The following NBAS variants were observed in gnomAD, a reference collection of about 807,000 sequenced individuals.
The protein encoded by NBAS is NBAS subunit of NRZ tethering complex.
NBAS carries 219 observed loss-of-function variants against 302.5 expected under a neutral mutation model. That is an observed-to-expected ratio of 0.72 (90% CI 0.65 to 0.81). The LOEUF (loss-of-function observed/expected upper bound fraction) is 0.81, where lower values mean the gene tolerates loss of function less well. Ranked by LOEUF, NBAS falls within the 30% of genes least tolerant of loss-of-function variation. The pLI is 0.00. For missense variants in NBAS, 2,932 were observed against 2,841.6 expected, an observed-to-expected ratio of 1.03 and a Z score of -0.72; for synonymous variants, 1,118 against 1,021.6, an observed-to-expected ratio of 1.09 and a Z score of -1.80.
intron 16 of NBAS, among the ~76,000 whole-genome samples, chr2:15,470,936 G>A (rs1019223665): frequency 6.6e-6 from 1 of 151,870 alleles, no homozygotes; most frequent in African/African-American, 2.4e-5. Flanking sequence ...AATCCAGCCT[G>A]GGCAAAAAAA....
intron 35 of NBAS, among the ~76,000 whole-genome samples, chr2:15,336,194 A>G (rs1403888693): frequency 3.3e-5 from 5 of 152,230 alleles, no homozygotes; most frequent in African/African-American, 1.2e-4. Flanking sequence ...ATCTTAAGAC[A>G]GTATCACACT....
At chr2:15,306,139 A>G (rs1005355329) in intron 40 of NBAS, among the ~76,000 whole-genome samples, 1 of 152,260 alleles carries the variant, frequency 6.6e-6, no homozygotes, top group Non-Finnish European at 1.5e-5. Flanking sequence ...ATTTCCACTT[A>G]ATCACTTCAG....
At chr2:15,043,712 T>C in the NBAS span, among the ~76,000 whole-genome samples, 2 of 152,184 alleles carry the variant, frequency 1.3e-5, no homozygotes, top group Admixed American at 6.5e-5. Flanking sequence ...CTTGAAGGTT[T>C]AAGGGATTAA....
At chr2:14,787,590 T>C in the NBAS span, among the ~76,000 whole-genome samples, 2 of 152,202 alleles carry the variant, frequency 1.3e-5, no homozygotes, top group African/African-American at 4.8e-5. Context: ...AAGCTTAGTT[T>C]GGCTGGATAT....
intron 38 of NBAS, among the ~76,000 whole-genome samples, chr2:15,318,468 C>A (rs1389537536): frequency 6.6e-6 from 1 of 152,134 alleles, no homozygotes; most frequent in Non-Finnish European, 1.5e-5. Flanking sequence ...GGTAAAGAGT[C>A]AAAACCCATT....
chr2:15,276,864 C>T lies in NBAS; in HGVS notation c.5376G>A (p.Lys1792=). ...ETHIRLLKKF[K]VVASGLNYKK... is the part of the protein sequence containing the mutation. ...CAACCATCCTACCTGATGCAACAAC[C>T]TTAAACTTCTTCAGCAGTCGAATGT... Residue 1792 remains lysine, a synonymous_variant, in exon 43 of 52, where the codon AAG becomes AAA. Transcript: ENST00000281513. 1 of 1,614,062 alleles carries T rather than the reference C, an allele frequency of 6.2e-7. No homozygotes were observed. The highest frequency in any genetic ancestry group is 1.1e-5 in the South Asian group (1 of 91,066).
chr2:14,942,563 A>G, the NBAS span, among the ~76,000 whole-genome samples: 23,706 of 152,162 alleles, frequency 0.16, 2,546 homozygotes, highest in African/African-American at 0.31. Flanking sequence ...CTGTGGAACC[A>G]TGAGCCAATT....
At chr2:15,293,950 T>C (rs1454207484) in intron 40 of NBAS, among the ~76,000 whole-genome samples, 1 of 152,222 alleles carries the variant, frequency 6.6e-6, no homozygotes, top group East Asian at 1.9e-4. Context: ...TGAGTCCTAC[T>C]CTCAAAACCA....
chr2:15,178,866 A>T, intron 51 of NBAS, 122 bp downstream of exon 51: 2 of 1,348,760 alleles, frequency 1.5e-6, no homozygotes, highest in Non-Finnish European at 2.1e-6. Flanking sequence ...TGGTCAGAGA[A>T]TACTATAGAT....
chr2:15,420,777 T>C (rs957985804), intron 23 of NBAS, among the ~76,000 whole-genome samples: 3 of 152,026 alleles, frequency 2.0e-5, no homozygotes, highest in Non-Finnish European at 2.9e-5. Context: ...AGCCAAATCA[T>C]GTTCTGAGAA....
intron 9 of NBAS, among the ~76,000 whole-genome samples, chr2:15,519,222 A>C (rs1662547041): frequency 1.3e-5 from 2 of 152,236 alleles, no homozygotes; most frequent in African/African-American, 4.8e-5. Flanking sequence ...GAAACATCTT[A>C]GTAAACTACT....
chr2:14,981,895 C>G, the NBAS span, among the ~76,000 whole-genome samples: 1 of 152,200 alleles, frequency 6.6e-6, no homozygotes, highest in African/African-American at 2.4e-5. Context: ...TCAAAGGTGG[C>G]TGCCAACTAG....
At chr2:15,228,916 G>T (rs1667255182) in intron 47 of NBAS, among the ~76,000 whole-genome samples, 1 of 152,132 alleles carries the variant, frequency 6.6e-6, no homozygotes, top group African/African-American at 2.4e-5. Flanking sequence ...ATAGTAGGAT[G>T]AATTAGAGCA....
chr2:15,374,842 T>C (rs1042290143), intron 30 of NBAS, 122 bp from the exon 31 acceptor site: 4 of 827,540 alleles, frequency 4.8e-6, no homozygotes, highest in Non-Finnish European at 8.0e-6. Flanking sequence ...TTCATTCCGC[T>C]GGATGCCTTC....
rs750309071 is a variant in NBAS at position 15,292,662 on chromosome 2, G to C, written c.4902C>G (p.Cys1634Trp). 2 of 1,614,180 alleles carry C rather than the reference G, an allele frequency of 1.2e-6. No individual in the cohort carries two copies. Among genetic ancestry groups the C allele is most frequent in the South Asian group, 2.2e-5 (2 of 91,076 alleles). ...TGAAATCCAGGAGACGTTCATTGTA[G>C]CAGTGTAACTGCTTGGTCAGTGAAA... ...DLISLTKQLH[C>W]YNERLLDFTQ... The change falls in exon 41 of 52, where the codon TGC becomes TGG. Residue 1634 changes from cysteine to tryptophan, a missense_variant. Transcript: ENST00000281513.
the NBAS span, among the ~76,000 whole-genome samples, chr2:15,015,251 A>G: frequency 3.9e-5 from 6 of 152,188 alleles, no homozygotes; most frequent in East Asian, 1.2e-3. Flanking sequence ...ATTCCAAAAA[A>G]TGAAGCAGAG....
At chr2:14,906,987 G>A in the NBAS span, among the ~76,000 whole-genome samples, 3 of 152,106 alleles carry the variant, frequency 2.0e-5, no homozygotes, top group African/African-American at 7.2e-5. Context: ...CAGAGGCTAT[G>A]CTTCTTACAC....
intron 12 of NBAS, among the ~76,000 whole-genome samples, chr2:15,480,798 T>G (rs1429216115): frequency 7.2e-5 from 11 of 152,212 alleles, no homozygotes; most frequent in Non-Finnish European, 1.5e-5. Flanking sequence ...TTAGGGGGGA[T>G]GTTAATGATA....
At chr2:14,890,854 C>CA in the NBAS span, 39,594 of 152,724 alleles carry the variant, frequency 0.26, 5,092 homozygotes, top group Non-Finnish European at 0.29. Context: ...CAAACAACAA[C>CA]AAAAAAAAAC....
Sources: allele counts gnomAD v4.1 joint callset (sites outside exome capture counted in the v4.1 genomes callset), GRCh38; gene constraint gnomAD v4.1.1; transcripts MANE v1.5; gene names NCBI Gene and HGNC (gene_info 2026-07-23, HGNC 2026-07-21).